The following TBXAS1 variants were observed in gnomAD, a reference collection of about 807,000 sequenced individuals.
The protein encoded by TBXAS1 is thromboxane-A synthase.
TBXAS1 carries 48 observed loss-of-function variants against 60.7 expected under a neutral mutation model. The ratio of observed to expected loss-of-function variants is 0.79; its 90% confidence interval spans 0.63 to 1.01. The LOEUF is 1.01. Among genes scored for constraint, TBXAS1 ranks in the 50% least tolerant of loss-of-function variants. The probability of loss-of-function intolerance (pLI) is 0.00; values close to 1 mark genes in which losing one functional copy is unlikely to be tolerated. For synonymous variants in TBXAS1, 287 were observed against 269.7 expected, an observed-to-expected ratio of 1.06 and a Z score of -0.63; for missense variants, 685 against 686.3, an observed-to-expected ratio of 1.00 and a Z score of 0.02.
chr7:139,849,699 G>A (rs891381786), intron 1 of TBXAS1, among the ~76,000 whole-genome samples: 3 of 152,162 alleles, frequency 2.0e-5, no homozygotes, highest in African/African-American at 4.8e-5. Context: ...GGGATGGGGC[G>A]GGGCCCTAAG....
upstream of TBXAS1, among the ~76,000 whole-genome samples, chr7:139,826,261 G>A (rs988646197): frequency 2.0e-5 from 3 of 152,078 alleles, no homozygotes; most frequent in Admixed American, 1.3e-4. Context: ...TACAGATCCC[G>A]ATGGAATGGG....
At chr7:139,932,415 T>C (rs1807409689) in intron 4 of TBXAS1, among the ~76,000 whole-genome samples, 1 of 152,202 alleles carries the variant, frequency 6.6e-6, no homozygotes, top group East Asian at 1.9e-4. Flanking sequence ...AGCTCATCGC[T>C]CAAGGCAGGT....
chr7:139,942,995 T>TA (rs1808410441), intron 5 of TBXAS1, among the ~76,000 whole-genome samples: 1 of 152,192 alleles, frequency 6.6e-6, no homozygotes, highest in Non-Finnish European at 1.5e-5. Flanking sequence ...TGCAAAAGTC[T>TA]TTTCAGAATT....
At chr7:139,820,036 T>C (rs1202100089) in intron 4 of TBXAS1, among the ~76,000 whole-genome samples, 2 of 152,040 alleles carry the variant, frequency 1.3e-5, no homozygotes, top group African/African-American at 2.4e-5. Context: ...GCTGTCAAAC[T>C]CTGGATTCTA....
chr7:139,863,216 T>A (rs558779978), intron 1 of TBXAS1, among the ~76,000 whole-genome samples: 106 of 152,212 alleles, frequency 7.0e-4, no homozygotes, highest in Non-Finnish European at 1.2e-3. Context: ...CTCTTGTATG[T>A]CAATATACAT....
At chr7:139,814,717 A>G (rs1409468340) in intron 4 of TBXAS1, among the ~76,000 whole-genome samples, 1 of 152,110 alleles carries the variant, frequency 6.6e-6, no homozygotes. Flanking sequence ...TCAAGCAGAG[A>G]CCAGGTACCT....
chr7:139,909,921 C>T (rs187601109), intron 3 of TBXAS1, among the ~76,000 whole-genome samples: 2 of 152,170 alleles, frequency 1.3e-5, no homozygotes, highest in Non-Finnish European at 2.9e-5. Context: ...ACTCACGGTT[C>T]CCCCAAGCAG....
rs61573753 is a variant in TBXAS1 at position 139,987,005 on chromosome 7, G to T, written c.1135-20086G>T. On this transcript the variant is annotated intron_variant, in intron 9 of 12. Transcript: ENST00000448866. ...CAGGCTATCTGTAAGAGCTAGAATCGGTATGATGTTCTAGAAGCAATTGGC... is the reference window on the plus strand; with the variant it reads ...CAGGCTATCTGTAAGAGCTAGAATCTGTATGATGTTCTAGAAGCAATTGGC... Among the ~76,000 whole-genome samples the T allele has an allele frequency of 1.1e-3, 171 of 152,082 alleles. 1 individual carries two copies. The East Asian group carries it at 0.016, about 14-fold the overall frequency.
intron 9 of TBXAS1, among the ~76,000 whole-genome samples, chr7:139,984,196 T>G (rs1382284492): frequency 2.0e-5 from 3 of 152,240 alleles, no homozygotes; most frequent in Non-Finnish European, 4.4e-5. Context: ...GGGATAATAA[T>G]AGCATCTGCT....
At chr7:140,014,823 A>T (rs534520629) in intron 10 of TBXAS1, among the ~76,000 whole-genome samples, 10 of 151,964 alleles carry the variant, frequency 6.6e-5, no homozygotes, top group African/African-American at 2.4e-4. Context: ...CTGAGGCAGG[A>T]GAATTGCTTG....
chr7:139,840,860 C>T (rs1799390618), intron 1 of TBXAS1, among the ~76,000 whole-genome samples: 1 of 152,162 alleles, frequency 6.6e-6, no homozygotes, highest in Admixed American at 6.5e-5. Context: ...TCGTGAGTGT[C>T]CCTCACCATC....
chr7:139,973,723 A>C (rs1811375453), intron 9 of TBXAS1, among the ~76,000 whole-genome samples: 1 of 152,072 alleles, frequency 6.6e-6, no homozygotes, highest in African/African-American at 2.4e-5. Context: ...TCATTTAGAA[A>C]TCTGTCTTTA....
intron 9 of TBXAS1, among the ~76,000 whole-genome samples, chr7:139,985,325 C>G (rs1812367435): frequency 6.6e-6 from 1 of 152,238 alleles, no homozygotes; most frequent in African/African-American, 2.4e-5. Context: ...TCTAGCCTGA[C>G]TGTCTGTGTC....
intron 1 of TBXAS1, among the ~76,000 whole-genome samples, chr7:139,865,070 G>T (rs150441520): frequency 2.7e-4 from 41 of 152,302 alleles, no homozygotes; most frequent in Middle Eastern, 3.4e-3. Context: ...CTACTGATAC[G>T]TGAGTGAGTG....
At chr7:139,960,546 G>A (rs189513155) in intron 8 of TBXAS1, among the ~76,000 whole-genome samples, 71 of 152,084 alleles carry the variant, frequency 4.7e-4, no homozygotes, top group African/African-American at 1.7e-3. Context: ...AGGAGTTCGA[G>A]ACCAGCCTGA....
intron 12 of TBXAS1, among the ~76,000 whole-genome samples, chr7:140,019,566 A>C (rs1815382851): frequency 6.6e-6 from 1 of 152,142 alleles, no homozygotes; most frequent in South Asian, 2.1e-4. Flanking sequence ...AGCCCCAAGC[A>C]CTAAGACCCT....
rs115316877 is a variant in TBXAS1, at chr7:139,999,584, C to G, written c.1135-7507C>G. On this transcript the variant is annotated intron_variant, in intron 9 of 12. Coordinates refer to ENST00000448866, the MANE Select transcript of TBXAS1 (RefSeq NM_001061.7). The surrounding 1 kb of genome is among the most constrained non-coding windows in gnomAD (Gnocchi z 4.3). ...CTGGTTTATGGTCAGAAGGGCAAAG[C>G]GAAGGTCACCCCATTTTCCACGGCT... Among the ~76,000 whole-genome samples the G allele has an allele frequency of 6.6e-6, 1 of 152,176 alleles. No individual in the cohort carries two copies. Among genetic ancestry groups the G allele is most frequent in the Non-Finnish European group, 1.5e-5 (1 of 68,040 alleles).
intron 1 of TBXAS1, among the ~76,000 whole-genome samples, chr7:139,868,117 C>T (rs866546920): frequency 6.6e-6 from 1 of 152,172 alleles, no homozygotes; most frequent in Non-Finnish European, 1.5e-5. Flanking sequence ...TAAACAATGA[C>T]AGGTGTCCAT....
chr7:139,951,593 T>TAAAA (rs66551791), intron 5 of TBXAS1, among the ~76,000 whole-genome samples: 11 of 66,312 alleles, frequency 1.7e-4, no homozygotes, highest in East Asian at 4.2e-4. Context: ...CCGTCTCTAC[T>TAAAA]AAAAAAAAAA....
Sources: allele counts gnomAD v4.1 joint callset (sites outside exome capture counted in the v4.1 genomes callset), GRCh38; gene constraint gnomAD v4.1.1; non-coding constraint Gnocchi (gnomAD v3.1); transcripts MANE v1.5; gene names NCBI Gene and HGNC (gene_info 2026-07-23, HGNC 2026-07-21).